SOX6: variants seen among roughly 807,000 people sequenced by gnomAD.
SOX6 encodes the protein transcription factor SOX-6.
In SOX6, 11 loss-of-function variants were observed where a neutral mutation model predicts 97.8. The ratio of observed to expected loss-of-function variants is 0.11; its 90% CI spans 0.07 to 0.19. SOX6 has a LOEUF of 0.19. Among genes scored for constraint, SOX6 ranks in the 10% least tolerant of loss-of-function variants. SOX6 has a pLI of 1.00. For missense variants in SOX6, 810 were observed against 1,039.5 expected (o/e 0.78, Z 3.04); for synonymous variants, 360 against 371.4 (o/e 0.97, Z 0.35).
intron 13 of SOX6, among the ~76,000 whole-genome samples, chr11:15,991,564 A>T (rs1033970962): frequency 3.3e-5 from 5 of 152,256 alleles, no homozygotes; most frequent in Admixed American, 6.5e-5. Flanking sequence ...GGAGAATGTC[A>T]GATGCAAAAA....
At chr11:16,562,231 T>C (rs549656505) in intron 4 of SOX6, among the ~76,000 whole-genome samples, 2 of 152,156 alleles carry the variant, frequency 1.3e-5, no homozygotes, top group South Asian at 4.1e-4. Context: ...CTGGACACTG[T>C]ATATAAGACA....
intron 13 of SOX6, among the ~76,000 whole-genome samples, chr11:15,990,350 C>T (rs1375399223): frequency 6.6e-6 from 1 of 151,680 alleles, no homozygotes. Flanking sequence ...TTCTATTTTT[C>T]TGTTGTTTAA....
chr11:16,070,072 G>A (rs1009843824), intron 9 of SOX6, among the ~76,000 whole-genome samples: 11 of 152,242 alleles, frequency 7.2e-5, no homozygotes, highest in South Asian at 2.1e-4. Context: ...GGAGAATGGC[G>A]TGAACCTGGG....
intron 3 of SOX6, chr11:16,612,350 A>G (rs1435274007): frequency 6.6e-6 from 1 of 152,570 alleles, no homozygotes; most frequent in African/African-American, 2.4e-5. Flanking sequence ...CAAACTGTGC[A>G]TAGTCTCTAA....
chr11:16,088,540 T>C (rs1308581862), intron 9 of SOX6, among the ~76,000 whole-genome samples: 1 of 152,140 alleles, frequency 6.6e-6, no homozygotes, highest in Non-Finnish European at 1.5e-5. Flanking sequence ...GAATGTCACA[T>C]AGTTGGAATC....
At chr11:16,061,678 A>G (rs1193790361) in intron 9 of SOX6, among the ~76,000 whole-genome samples, 2 of 151,958 alleles carry the variant, frequency 1.3e-5, no homozygotes, top group Non-Finnish European at 2.9e-5. Flanking sequence ...ACAGTATGGT[A>G]CTTGTGTAAA....
intron 1 of SOX6, among the ~76,000 whole-genome samples, chr11:16,362,198 C>G (rs1434884400): frequency 6.6e-6 from 1 of 152,168 alleles, no homozygotes; most frequent in Non-Finnish European, 1.5e-5. Context: ...GAAAAAGTAA[C>G]AGTGACTGCA....
intron 4 of SOX6, among the ~76,000 whole-genome samples, chr11:16,539,413 G>C (rs886766689): frequency 2.6e-5 from 4 of 152,044 alleles, no homozygotes; most frequent in South Asian, 2.1e-4. Context: ...AAAAGAACTA[G>C]AGAAGCAAGA....
intron 3 of SOX6, among the ~76,000 whole-genome samples, chr11:16,274,862 A>T (rs973189713): frequency 1.6e-4 from 25 of 152,134 alleles, no homozygotes; most frequent in Admixed American, 1.5e-3. Flanking sequence ...TTGTGTAACA[A>T]ATTCTCACCT....
intron 12 of SOX6, among the ~76,000 whole-genome samples, chr11:16,016,073 A>G (rs1193809546): frequency 6.6e-6 from 1 of 152,002 alleles, no homozygotes; most frequent in Non-Finnish European, 1.5e-5. Context: ...TTCTGTACTG[A>G]GCATGTTCGG....
intron 4 of SOX6, among the ~76,000 whole-genome samples, chr11:16,494,713 C>T (rs1156805715): frequency 6.6e-6 from 1 of 152,128 alleles, no homozygotes; most frequent in African/African-American, 2.4e-5. Flanking sequence ...AGCAGCCTGC[C>T]TGGCAATATC....
At chr11:16,695,004 C>G (rs1176749474) in intron 3 of SOX6, among the ~76,000 whole-genome samples, 2 of 152,208 alleles carry the variant, frequency 1.3e-5, no homozygotes, top group East Asian at 3.9e-4. Context: ...AGGTTATATG[C>G]AAATACTACA....
chr11:16,423,779 TAG>T (rs1229357629), intron 1 of SOX6, among the ~76,000 whole-genome samples: 2 of 152,146 alleles, frequency 1.3e-5, no homozygotes, highest in African/African-American at 4.8e-5. Flanking sequence ...TCCATCCATG[TAG>T]AGTTAAAAGG....
intron 3 of SOX6, chr11:16,313,053 A>C (rs1215311722): frequency 1.3e-5 from 2 of 152,172 alleles, no homozygotes; most frequent in African/African-American, 4.8e-5. Flanking sequence ...AACTTTGCCT[A>C]TCTTCCCATA....
At chr11:16,446,927 T>C (rs1220811544) in intron 1 of SOX6, among the ~76,000 whole-genome samples, 1 of 148,014 alleles carries the variant, frequency 6.8e-6, no homozygotes, top group Admixed American at 6.8e-5. Context: ...TTTCTTTCTT[T>C]CTGTTTCTTT....
Position 16,718,083 on chromosome 11 carries a change from TCTTTAGTC to T in SOX6, n.354-3186_354-3179del, listed in dbSNP as rs1199737480. ...GCTCCAGACATTTGTAGCCTTTATT[TCTTTAGTC>T]CTTGAAAGGGCTTTTTAAATGTTAA... On this transcript the variant is annotated intron_variant and non_coding_transcript_variant, in intron 2 of 5. Coordinates refer to the SOX6 transcript ENST00000524520. 3.3e-5 allele frequency among the ~76,000 whole-genome samples: 5 copies of T among 152,128 alleles called. No homozygotes were observed. In the Middle Eastern group the frequency reaches 0.014, roughly 414 times the overall value.
Position 16,306,290 on chromosome 11 carries a change from A to G in SOX6, c.445+12156T>C, listed in dbSNP as rs190212133. 2.0e-3 allele frequency among the ~76,000 whole-genome samples: 311 copies of G among 152,326 alleles called. 2 individuals carry two copies. Among genetic ancestry groups the G allele is most frequent in the Admixed American group, 0.017 (264 of 15,294 alleles). ...CTTCATGTAAATCTACAATTGTCTC[A>G]ACAAAAATTTCAATTTAAAAAAGAG... On this transcript the variant is annotated intron_variant, in intron 3 of 15. Coordinates refer to ENST00000683767, the MANE Select transcript of SOX6 (RefSeq NM_001367873.1).
intron 9 of SOX6, among the ~76,000 whole-genome samples, chr11:16,056,649 T>C (rs1197158327): frequency 2.0e-5 from 3 of 152,218 alleles, no homozygotes; most frequent in African/African-American, 7.2e-5. Context: ...ATCTTCGTCA[T>C]ATTCTCATTG....
chr11:16,434,863 A>G (rs913506538), intron 1 of SOX6, among the ~76,000 whole-genome samples: 1 of 152,192 alleles, frequency 6.6e-6, no homozygotes, highest in African/African-American at 2.4e-5. Flanking sequence ...ATATTTAAAG[A>G]TATATTTAAT....
Sources: gnomAD v4.1 joint callset for allele counts (sites outside exome capture counted in the v4.1 genomes callset) on GRCh38, gnomAD v4.1.1 for gene constraint, MANE v1.5 for transcripts, NCBI Gene and HGNC (gene_info 2026-07-23, HGNC 2026-07-21) for gene names.